Variants in WRN observed in about 807,000 individuals in gnomAD.
WRN encodes WRN RecQ like helicase.
WRN carries 149 observed loss-of-function variants against 180.7 expected under a neutral mutation model. The ratio of observed to expected loss-of-function variants is 0.82; its 90% confidence interval spans 0.72 to 0.94. The LOEUF (loss-of-function observed/expected upper bound fraction) is 0.94, where lower values mean the gene tolerates loss of function less well. Among genes scored for constraint, WRN ranks in the 40% least tolerant of loss-of-function variants. The pLI is 0.00. For missense variants in WRN, 1,661 were observed against 1,700.1 expected (o/e 0.98, Z 0.40); for synonymous variants, 548 against 568.9 (o/e 0.96, Z 0.52).
At chr8:31,083,994 G>T (rs997546704) in intron 10 of WRN, among the ~76,000 whole-genome samples, 3 of 151,954 alleles carry the variant, frequency 2.0e-5, no homozygotes, top group African/African-American at 7.2e-5. Flanking sequence ...TGCTTTCCTT[G>T]TTCCTTCTTA....
Position 31,081,115 on chromosome 8 carries a change from TTGGAAATAAAG to T in WRN, c.1094_1104del (p.Asn365ThrfsTer7). The T allele has an allele frequency of 6.2e-7, 1 of 1,614,028 alleles. No homozygotes were observed. The highest frequency in any genetic ancestry group is 1.1e-5 in the South Asian group (1 of 91,080). On this transcript the variant is annotated frameshift_variant, in exon 9 of 35. Transcript: ENST00000298139. LOFTEE classifies it high-confidence loss of function. ...GCTAAACATGATGGAGAAGATGTAC[TTGGAAATAAAG>T]TGGAACGAAAAGAAGATGGATTTGA...
chr8:31,109,089 G>C (rs765938874), intron 18 of WRN, among the ~76,000 whole-genome samples: 4 of 152,184 alleles, frequency 2.6e-5, no homozygotes, highest in Non-Finnish European at 5.9e-5. Context: ...AAATACATGT[G>C]TTCAGGCCTT....
intron 17 of WRN, among the ~76,000 whole-genome samples, chr8:31,097,336 C>T (rs1192146262): frequency 3.9e-5 from 6 of 152,088 alleles, no homozygotes; most frequent in Non-Finnish European, 5.9e-5. Flanking sequence ...AGGTAACCAA[C>T]ACCCAACTCT....
In WRN at chr8:31,087,778, T is replaced by C; in HGVS notation, c.1434T>C (p.Ser478=). 1 of 1,613,348 alleles carries C rather than the reference T, an allele frequency of 6.2e-7. No individual in the cohort carries two copies. Among genetic ancestry groups the C allele is most frequent in the South Asian group, 1.1e-5 (1 of 91,050 alleles). Reference sequence around the variant, plus strand: ...TAAGATTTCTTTTAAACTTTCAGTCTTTAGAAAACCTCAATAGTGGCACGG... The same window carrying C: ...TAAGATTTCTTTTAAACTTTCAGTCCTTAGAAAACCTCAATAGTGGCACGG... ...DEDLEMEMLK[S]LENLNSGTVE... is the part of the protein sequence containing the mutation. Residue 478 remains serine (S), a splice_region_variant and synonymous_variant, in exon 12 of 35, where the codon TCT becomes TCC. Coordinates refer to ENST00000298139, the MANE Select transcript of WRN (RefSeq NM_000553.6).
chr8:31,103,405 A>G (rs563036207), intron 18 of WRN, among the ~76,000 whole-genome samples: 2 of 152,370 alleles, frequency 1.3e-5, no homozygotes, highest in East Asian at 3.9e-4. Flanking sequence ...TGACAGCAGC[A>G]TCACCACAAA....
intron 7 of WRN, among the ~76,000 whole-genome samples, chr8:31,074,216 C>T (rs972055458): frequency 3.3e-5 from 5 of 151,946 alleles, no homozygotes; most frequent in Non-Finnish European, 5.9e-5. Flanking sequence ...TGAGCCACCG[C>T]GCCCGGCCCA....
intron 5 of WRN, among the ~76,000 whole-genome samples, chr8:31,066,538 A>G (rs547186432): frequency 6.6e-6 from 1 of 152,162 alleles, no homozygotes; most frequent in African/African-American, 2.4e-5. Flanking sequence ...TATATTTGCA[A>G]ATGTAAAATT....
intron 20 of WRN, among the ~76,000 whole-genome samples, chr8:31,117,093 T>C (rs1389247661): frequency 1.3e-5 from 2 of 152,170 alleles, no homozygotes; most frequent in Non-Finnish European, 2.9e-5. Context: ...AAAGAAGCAG[T>C]CTGGGCTTGG....
rs530125549 is a variant in WRN, at chr8:31,072,054, A to G, written c.724+3727A>G. Among the ~76,000 whole-genome samples, 12 of 152,336 alleles carry G rather than the reference A, an allele frequency of 7.9e-5. No individual in the cohort carries two copies. The East Asian group carries it at 2.3e-3, about 29-fold the overall frequency. ...GAATTAGTTGTGTTGGCTGTAGCAC[A>G]GAGGACAGTTTGAGTTAAGAGAGTT... On this transcript the variant is annotated intron_variant, in intron 7 of 34. Coordinates refer to ENST00000298139, the MANE Select transcript of WRN (RefSeq NM_000553.6).
intron 24 of WRN, among the ~76,000 whole-genome samples, chr8:31,133,530 A>T (rs911432996): frequency 6.6e-6 from 1 of 151,638 alleles, no homozygotes; most frequent in African/African-American, 2.4e-5. Context: ...GTCTCAATAA[A>T]AAAAAAAAAA....
chr8:31,116,506 G>A lies in WRN; in HGVS notation c.2426G>A (p.Arg809Lys). 4.3e-6 allele frequency: 7 copies of A among 1,613,882 alleles called. No individual in the cohort carries two copies. Among genetic ancestry groups the A allele is most frequent in the Non-Finnish European group, 5.9e-6 (7 of 1,179,882 alleles). Residue 809 changes from arginine (R) to lysine (K), a missense_variant, in exon 20 of 35, where the codon AGG becomes AAG. Around this residue, in one of 3 missense-constraint regions of WRN, gnomAD observed 1,141 missense variants for 1,149.4 expected, o/e 0.99. Coordinates refer to ENST00000298139, the MANE Select transcript of WRN (RefSeq NM_000553.6). ...AGCACAAGGAAAGACATTCATCATA[G>A]GTTTGTAAGAGATGAAATTCAGGTA... ...SFSTRKDIHH[R>K]FVRDEIQCVI...
intron 33 of WRN, among the ~76,000 whole-genome samples, 188 bp downstream of exon 33, chr8:31,157,718 G>A (rs945648076): frequency 6.6e-6 from 1 of 152,164 alleles, no homozygotes; most frequent in African/African-American, 2.4e-5. Flanking sequence ...AGTATACTGA[G>A]AAATTTTTTT....
In WRN at chr8:31,090,943, G is replaced by A. The variant is rs1230844794; in HGVS notation, c.1829+1G>A. The A allele has an allele frequency of 1.9e-6, 3 of 1,605,850 alleles. No homozygotes were observed. The highest frequency in any genetic ancestry group is 1.7e-6 in the Non-Finnish European group (2 of 1,172,914). On this transcript the variant is annotated splice_donor_variant, in intron 15 of 34. Coordinates refer to ENST00000298139, the MANE Select transcript of WRN (RefSeq NM_000553.6). LOFTEE classifies it high-confidence loss of function. ...TGGAAGACCAAGTGCTACAGCTTAA[G>A]TAAGTCATGTTATCATTGCCACAAT...
At chr8:31,096,724 T>A in intron 16 of WRN, 44 bp from the exon 17 acceptor site, 1 of 1,430,704 alleles carries the variant, frequency 7.0e-7, no homozygotes, top group Non-Finnish European at 9.7e-7. Context: ...ATGTTTCCCT[T>A]CCTGTTTTTT....
At chr8:31,051,446 A>G (rs1585394451) in intron 1 of WRN, among the ~76,000 whole-genome samples, 1 of 152,288 alleles carries the variant, frequency 6.6e-6, no homozygotes, top group South Asian at 2.1e-4. Flanking sequence ...TAATTTTTCT[A>G]AATTCGTTCT....
rs777223833 is a variant in WRN, at chr8:31,087,769, CT to C, written c.1432-4del. On this transcript the variant is annotated splice_region_variant and splice_polypyrimidine_tract_variant and intron_variant, in intron 11 of 34. Coordinates refer to ENST00000298139, the MANE Select transcript of WRN (RefSeq NM_000553.6). Reference sequence around the variant, plus strand: ...TTTTGCTTTTAAGATTTCTTTTAAACTTTCAGTCTTTAGAAAACCTCAATAG... The same window carrying C: ...TTTTGCTTTTAAGATTTCTTTTAAACTTCAGTCTTTAGAAAACCTCAATAG... The C allele has an allele frequency of 3.1e-6, 5 of 1,612,584 alleles. No individual in the cohort carries two copies. The East Asian group carries it at 1.1e-4, about 36-fold the overall frequency.
intron 21 of WRN, 41 bp downstream of exon 21, chr8:31,120,465 C>A: frequency 6.4e-7 from 1 of 1,573,698 alleles, no homozygotes; most frequent in African/African-American, 1.4e-5. Context: ...AGATTTCTTT[C>A]TTTCTTTCCA....
chr8:31,143,534 A>G lies in WRN; in HGVS notation c.3310-16A>G, dbSNP rs751514026. ...TTGAAACTTTTTTTAATGGACCTTT[A>G]TATGTTTAAATGCAGTCTAACTTGG... is the stretch of plus-strand genomic sequence containing the variant. On this transcript the variant is annotated splice_polypyrimidine_tract_variant and intron_variant, in intron 27 of 34. Transcript: ENST00000298139. The G allele has an allele frequency of 5.2e-6, 8 of 1,541,846 alleles. No individual in the cohort carries two copies. Among genetic ancestry groups the G allele is most frequent in the African/African-American group, 1.4e-5 (1 of 73,062 alleles).
chr8:31,150,523 C>T, intron 31 of WRN, 68 bp downstream of exon 31: 1 of 1,327,170 alleles, frequency 7.5e-7, no homozygotes, highest in African/African-American at 1.4e-5. Flanking sequence ...CAAAAGTACC[C>T]TCCAGAAGCA....
Sources: allele counts gnomAD v4.1 joint callset (sites outside exome capture counted in the v4.1 genomes callset), GRCh38; gene constraint gnomAD v4.1.1; regional missense constraint gnomAD v4.1.1; transcripts MANE v1.5; gene names NCBI Gene and HGNC (gene_info 2026-07-23, HGNC 2026-07-21).